STIM1: variants seen among roughly 807,000 people sequenced by gnomAD.
STIM1 encodes the protein stromal interaction molecule 1.
Under a neutral mutation model 74.7 loss-of-function variants are expected in STIM1, and 25 were observed. The observed-to-expected ratio is 0.33, with a 90% CI of 0.24 to 0.47. The LOEUF (loss-of-function observed/expected upper bound fraction) is 0.47, where lower values mean the gene tolerates loss of function less well. STIM1 is among the 20% of genes least tolerant of loss of function. The pLI is 1.00. For missense variants in STIM1, 728 were observed against 920.8 expected, an observed-to-expected ratio of 0.79 and a Z score of 2.71; for synonymous variants, 328 against 348.8, an observed-to-expected ratio of 0.94 and a Z score of 0.66.
intron 2 of STIM1, among the ~76,000 whole-genome samples, chr11:3,978,527 G>A (rs1275684532): frequency 1.3e-5 from 2 of 151,142 alleles, no homozygotes; most frequent in Non-Finnish European, 3.0e-5. Context: ...TTGGGAGGCC[G>A]AGGCGGGTGG....
chr11:4,079,210 G>A (rs1590694850), intron 7 of STIM1, among the ~76,000 whole-genome samples: 1 of 152,190 alleles, frequency 6.6e-6, no homozygotes. Flanking sequence ...AGAATGGCCT[G>A]AACCTGGGAG....
At chr11:3,862,726 G>A (rs886134206) in intron 1 of STIM1, among the ~76,000 whole-genome samples, 1 of 152,072 alleles carries the variant, frequency 6.6e-6, no homozygotes, top group African/African-American at 2.4e-5. Flanking sequence ...GATTACAGAC[G>A]TGAGCCACCG....
At chr11:3,895,763 C>T (rs548467545) in intron 1 of STIM1, among the ~76,000 whole-genome samples, 2,945 of 66,758 alleles carry the variant, frequency 0.044, 383 homozygotes, top group Non-Finnish European at 0.053. Flanking sequence ...TTCCTTCCTT[C>T]CTTCCTTCCT....
rs898198648 is a variant in STIM1 at position 3,994,037 on chromosome 11, A to AT, written c.270+26362dup. ...GGTCACTTAAAGAGCTTCCTTTAGT[A>AT]TTTTTTTGTAAGGTGTGTCAGTTAG... On this transcript the variant is annotated intron_variant, in intron 2 of 12. Coordinates refer to ENST00000526596, the MANE Select transcript of STIM1 (RefSeq NM_001382567.1). Among the ~76,000 whole-genome samples the AT allele has an allele frequency of 6.6e-5, 10 of 152,166 alleles. No homozygotes were observed. In the East Asian group the frequency reaches 1.9e-3, roughly 29 times the overall value.
intron 1 of STIM1, among the ~76,000 whole-genome samples, chr11:3,914,503 G>T (rs971714993): frequency 3.3e-5 from 5 of 152,066 alleles, no homozygotes; most frequent in Non-Finnish European, 1.5e-5. Context: ...GTACAGTGGC[G>T]CAGTCTCAGC....
At chr11:4,064,629 G>T (rs2094353664) in intron 5 of STIM1, among the ~76,000 whole-genome samples, 1 of 152,206 alleles carries the variant, frequency 6.6e-6, no homozygotes, top group Non-Finnish European at 1.5e-5. Context: ...AGCCAAGAGG[G>T]TCTGCTGAGG....
At position 4,092,329 on chromosome 11, in the gene STIM1, T is replaced by A. The variant is rs981959459; in HGVS notation, c.*531T>A. ...CTAATCTTTGAAGTTTGTTCTTTGG[T>A]ATTGATGTGGGTCAGAAGGAGCCTC... On this transcript the variant is annotated 3_prime_UTR_variant, in exon 13 of 13. Transcript: ENST00000526596. The A allele has an allele frequency of 1.1e-5, 2 of 181,404 alleles. No individual in the cohort carries two copies. Among genetic ancestry groups the A allele is most frequent in the Non-Finnish European group, 2.4e-5 (2 of 83,618 alleles). The allele number at this position is 181,404 out of a possible 1,614,324, so 11.2% of individuals were successfully genotyped here.
At chr11:3,882,665 ATACC>A (rs1296419921) in intron 1 of STIM1, among the ~76,000 whole-genome samples, 2 of 152,220 alleles carry the variant, frequency 1.3e-5, no homozygotes, top group Admixed American at 6.5e-5. Context: ...TTTTGGGTAC[ATACC>A]TAGGAGTGGA....
At chr11:3,880,322 C>A (rs149167585) in intron 1 of STIM1, among the ~76,000 whole-genome samples, 1 of 152,168 alleles carries the variant, frequency 6.6e-6, no homozygotes, top group Non-Finnish European at 1.5e-5. Context: ...GGTTACTTCT[C>A]GTGTCTTGAT....
chr11:4,049,724 A>ACACG (rs1260168387), intron 3 of STIM1: 16 of 120,296 alleles, frequency 1.3e-4, no homozygotes, highest in Non-Finnish European at 2.8e-4. Flanking sequence ...AAACACACAC[A>ACACG]CACACACACA....
At chr11:3,856,739 G>T (rs778188602) in intron 1 of STIM1, among the ~76,000 whole-genome samples, 7 of 152,216 alleles carry the variant, frequency 4.6e-5, no homozygotes, top group Non-Finnish European at 8.8e-5. Context: ...GGCCTGGTGA[G>T]ATGATAAGTT....
At chr11:3,897,884 T>C (rs1027460219) in intron 1 of STIM1, among the ~76,000 whole-genome samples, 1 of 152,160 alleles carries the variant, frequency 6.6e-6, no homozygotes, top group Admixed American at 6.5e-5. Flanking sequence ...ATGGTGTATA[T>C]GTGCCACATT....
Position 3,856,337 on chromosome 11 carries a change from C to A in STIM1, c.67C>A (p.Leu23Ile), listed in dbSNP as rs1403143326. ...ACTCCTCCTGCACCAGGGCCAGAGC[C>A]TCAGCCATAGTCACAGTGAGAAGGC... ...WGLLLHQGQS[L>I]SHSHSEKATG... The change falls in exon 1 of 13, where the codon CTC becomes ATC. Residue 23 changes from leucine to isoleucine, a missense_variant. Physicochemically the swap from Leu to Ile is conservative, Grantham distance 5 (BLOSUM62 2). Coordinates refer to ENST00000526596, the MANE Select transcript of STIM1 (RefSeq NM_001382567.1). 6 of 1,614,220 alleles carry A rather than the reference C, an allele frequency of 3.7e-6. No homozygotes were observed. The highest frequency in any genetic ancestry group is 5.1e-6 in the Non-Finnish European group (6 of 1,180,032).
chr11:3,908,444 C>T (rs1026251553), intron 1 of STIM1, among the ~76,000 whole-genome samples: 1 of 151,990 alleles, frequency 6.6e-6, no homozygotes, highest in Non-Finnish European at 1.5e-5. Flanking sequence ...AACCCTGTCT[C>T]TACTAAAAAC....
chr11:4,009,041 C>T (rs1174259538), intron 2 of STIM1, among the ~76,000 whole-genome samples: 2 of 152,036 alleles, frequency 1.3e-5, no homozygotes, highest in Non-Finnish European at 2.9e-5. Flanking sequence ...CCTGTAATCC[C>T]AGCACTTTGG....
rs181132664 is a variant in STIM1 at position 4,063,062 on chromosome 11, C to G, written c.613+3666C>G. Among the ~76,000 whole-genome samples the G allele has an allele frequency of 1.6e-3, 238 of 152,054 alleles. 3 individuals are homozygous for G. The highest frequency in any genetic ancestry group is 1.2e-3 in the East Asian group (6 of 5,182). ...ACTTATATAAAATGCCCAGAACACA[C>G]AAATCCATAGAGACAGAAAATAGAT... On this transcript the variant is annotated intron_variant, in intron 5 of 12. Transcript: ENST00000526596.
intron 3 of STIM1, among the ~76,000 whole-genome samples, chr11:4,037,839 A>G (rs1262634085): frequency 3.3e-5 from 5 of 152,106 alleles, no homozygotes; most frequent in Non-Finnish European, 5.9e-5. Context: ...AATTTAGGTT[A>G]GTCCATTTTC....
intron 1 of STIM1, among the ~76,000 whole-genome samples, chr11:3,931,865 G>C (rs183509985): frequency 6.6e-6 from 1 of 152,310 alleles, no homozygotes; most frequent in East Asian, 1.9e-4. Flanking sequence ...AGTAATATCT[G>C]AGCCCTAGCC....
At position 4,023,871 on chromosome 11, in the gene STIM1, A is replaced by C; in HGVS notation, c.271-2A>C. On this transcript the variant is annotated splice_acceptor_variant, in intron 2 of 12. Coordinates refer to ENST00000526596, the MANE Select transcript of STIM1 (RefSeq NM_001382567.1). LOFTEE classifies it high-confidence loss of function. ...TGTGACTTGTGTACTTTTCCCTTGC[A>C]GTTCCTGAGGGAAGACCTCAATTAC... 1 of 1,611,186 alleles carries C rather than the reference A, an allele frequency of 6.2e-7. No individual in the cohort carries two copies. The highest frequency in any genetic ancestry group is 8.5e-7 in the Non-Finnish European group (1 of 1,177,438).
Sources: allele counts gnomAD v4.1 joint callset (sites outside exome capture counted in the v4.1 genomes callset), GRCh38; gene constraint gnomAD v4.1.1; transcripts MANE v1.5; gene names NCBI Gene and HGNC (gene_info 2026-07-23, HGNC 2026-07-21).